The following KCNK10 variants were observed in gnomAD, a reference collection of about 807,000 sequenced individuals.
The protein encoded by KCNK10 is potassium channel subfamily K member 10.
Under a neutral mutation model 47.7 loss-of-function variants are expected in KCNK10, and 25 were observed. That is an observed-to-expected ratio of 0.52 (90% CI 0.38 to 0.73). The LOEUF is 0.73. Ranked by LOEUF, KCNK10 falls within the 30% of genes least tolerant of loss-of-function variation. The probability of loss-of-function intolerance (pLI) is 0.00; values close to 1 mark genes in which losing one functional copy is unlikely to be tolerated. For synonymous variants in KCNK10, 303 were observed against 285.6 expected, an observed-to-expected ratio of 1.06 and a Z score of -0.61; for missense variants, 563 against 714.5, an observed-to-expected ratio of 0.79 and a Z score of 2.42.
intron 4 of KCNK10, among the ~76,000 whole-genome samples, chr14:88,212,190 C>T (rs1885485688): frequency 6.6e-6 from 1 of 150,690 alleles, no homozygotes; most frequent in African/African-American, 2.4e-5. Context: ...CCTATAATCC[C>T]CACACTTTGG....
intron 4 of KCNK10, among the ~76,000 whole-genome samples, chr14:88,193,053 CCT>C (rs1884801439): frequency 6.6e-6 from 1 of 152,188 alleles, no homozygotes; most frequent in East Asian, 1.9e-4. Context: ...TTAAAACACA[CCT>C]GTCTGAGCTG....
intron 5 of KCNK10, among the ~76,000 whole-genome samples, chr14:88,190,017 G>A (rs1459023310): frequency 6.6e-6 from 1 of 152,146 alleles, no homozygotes; most frequent in African/African-American, 2.4e-5. Context: ...CACTGACAAG[G>A]GCAGTAAAAC....
rs1432011740 is a variant in KCNK10, at chr14:88,182,704, G to A, written c.*2831C>T. 1.3e-5 allele frequency: 2 copies of A among 152,306 alleles called. No individual in the cohort carries two copies. Among genetic ancestry groups the A allele is most frequent in the African/African-American group, 4.8e-5 (2 of 41,434 alleles). 9.4% of individuals were successfully genotyped at this position (152,306 alleles called of 1,614,324 possible). On this transcript the variant is annotated 3_prime_UTR_variant, in exon 7 of 7. Transcript: ENST00000319231. Reference sequence around the variant, plus strand: ...AAGGTTATGTTTGATCCCTCTGTGTGACTGATTTGACTCATTTGGGGAAGC... The same window carrying A: ...AAGGTTATGTTTGATCCCTCTGTGTAACTGATTTGACTCATTTGGGGAAGC...
chr14:88,222,711 T>TA (rs937404762), intron 4 of KCNK10, among the ~76,000 whole-genome samples: 11 of 152,170 alleles, frequency 7.2e-5, no homozygotes, highest in Non-Finnish European at 1.3e-4. Flanking sequence ...GCAACTGCTC[T>TA]AAAAAAAGAT....
At chr14:88,298,859 C>A (rs912264826) in intron 1 of KCNK10, among the ~76,000 whole-genome samples, 2 of 152,208 alleles carry the variant, frequency 1.3e-5, no homozygotes, top group African/African-American at 4.8e-5. Context: ...ATGCCCCCAA[C>A]ATCACCACCA....
intron 2 of KCNK10, among the ~76,000 whole-genome samples, chr14:88,262,952 T>C (rs1566707020): frequency 6.6e-6 from 1 of 152,186 alleles, no homozygotes; most frequent in Non-Finnish European, 1.5e-5. Flanking sequence ...CCAAAGTCCA[T>C]TGGCCTGCTG....
intron 3 of KCNK10, among the ~76,000 whole-genome samples, chr14:88,230,200 G>C (rs986177381): frequency 6.6e-6 from 1 of 152,164 alleles, no homozygotes; most frequent in Non-Finnish European, 1.5e-5. Context: ...GGAAGGAATT[G>C]TTTCTGAGCA....
chr14:88,299,160 A>C (rs906343338), intron 1 of KCNK10, among the ~76,000 whole-genome samples: 1 of 152,174 alleles, frequency 6.6e-6, no homozygotes, highest in Non-Finnish European at 1.5e-5. Context: ...ACACTCCCTA[A>C]GACACTTTAA....
intron 4 of KCNK10, among the ~76,000 whole-genome samples, chr14:88,221,427 A>C (rs1885806481): frequency 6.6e-6 from 1 of 152,230 alleles, no homozygotes; most frequent in African/African-American, 2.4e-5. Context: ...CAAAGAAGAT[A>C]TACAGATGGC....
intron 1 of KCNK10, among the ~76,000 whole-genome samples, chr14:88,308,171 G>C (rs1166314811): frequency 6.6e-6 from 1 of 152,010 alleles, no homozygotes; most frequent in East Asian, 1.9e-4. Flanking sequence ...AGGTTCCCTC[G>C]ATCACTAGGA....
chr14:88,270,815 ACTCT>A (rs777859574), intron 1 of KCNK10: 4 of 780,762 alleles, frequency 5.1e-6, no homozygotes, highest in African/African-American at 1.7e-5. Context: ...ATGGTGTGTC[ACTCT>A]CTCAGGTGTC....
Position 88,185,826 on chromosome 14 carries a change from G to A in KCNK10, c.1341C>T (p.Asn447=), listed in dbSNP as rs1305122612. Residue 447 remains asparagine, a synonymous_variant, in exon 7 of 7, where the codon AAC becomes AAT. Transcript: ENST00000319231. This position sits in a 1 kb window ranked among gnomAD's most constrained non-coding sequence, Gnocchi z 4.3. ...AGGTGGACCCGAACTTGTTGATGATGTTGTCCTCGGACGCACCCTGCCCAT... is the reference window on the plus strand; with the variant it reads ...AGGTGGACCCGAACTTGTTGATGATATTGTCCTCGGACGCACCCTGCCCAT... ...NKHGQGASED[N]IINKFGSTSR... is the part of the protein sequence containing the mutation. The A allele has an allele frequency of 6.2e-7, 1 of 1,614,196 alleles. No individual in the cohort carries two copies.
intron 1 of KCNK10, among the ~76,000 whole-genome samples, chr14:88,271,892 A>G (rs1437349314): frequency 1.3e-5 from 2 of 151,850 alleles, no homozygotes. Context: ...TTTTTCCCCA[A>G]ATCTCTTCTT....
At chr14:88,233,952 A>G (rs1886224501) in intron 3 of KCNK10, among the ~76,000 whole-genome samples, 1 of 152,230 alleles carries the variant, frequency 6.6e-6, no homozygotes, top group South Asian at 2.1e-4. Flanking sequence ...AGCATTTTCC[A>G]AAATGTACTT....
intron 4 of KCNK10, among the ~76,000 whole-genome samples, chr14:88,221,041 C>T (rs2139864454): frequency 6.6e-6 from 1 of 152,000 alleles, no homozygotes; most frequent in Middle Eastern, 3.4e-3. Context: ...GTGGCTCATG[C>T]CTGTAATCCC....
At chr14:88,240,869 T>C (rs1290426878) in intron 2 of KCNK10, 49 bp from the exon 3 acceptor site, 1 of 1,187,404 alleles carries the variant, frequency 8.4e-7, no homozygotes, top group Non-Finnish European at 1.2e-6. Flanking sequence ...AGTTGTTTAT[T>C]TTTTTTTTCT....
chr14:88,226,665 A>G (rs1885997336), intron 4 of KCNK10, among the ~76,000 whole-genome samples: 1 of 152,228 alleles, frequency 6.6e-6, no homozygotes, highest in African/African-American at 2.4e-5. Context: ...TTAATCACTC[A>G]GCCACTCATG....
rs933925717 is a variant in KCNK10, at chr14:88,323,258, G to C, written c.-460C>G. 13 of 986,586 alleles carry C rather than the reference G, an allele frequency of 1.3e-5. No individual in the cohort carries two copies. Among genetic ancestry groups the C allele is most frequent in the Non-Finnish European group, 9.6e-6 (8 of 831,008 alleles). The allele number at this position is 986,586 out of a possible 1,614,324, so 61.1% of individuals were successfully genotyped here. A position where few individuals can be genotyped will look rare whatever the true frequency, so the allele number is the denominator to read the frequency against. ...CACACACACCCGCACACACACTCCC[G>C]GGCGCGCGCTTGGGCGGGCACGTCA... On this transcript the variant is annotated 5_prime_UTR_variant, in exon 1 of 7. Transcript: ENST00000319231.
chr14:88,311,455 C>T (rs1441599691), intron 1 of KCNK10, among the ~76,000 whole-genome samples: 2 of 152,090 alleles, frequency 1.3e-5, no homozygotes, highest in South Asian at 4.1e-4. Context: ...TAGCAAAACC[C>T]ACATCTCCAA....
Sources: allele counts gnomAD v4.1 joint callset (sites outside exome capture counted in the v4.1 genomes callset), GRCh38; gene constraint gnomAD v4.1.1; non-coding constraint Gnocchi (gnomAD v3.1); transcripts MANE v1.5; gene names NCBI Gene and HGNC (gene_info 2026-07-23, HGNC 2026-07-21).